Variants in TXNRD1 observed in about 807,000 individuals in gnomAD.
TXNRD1 encodes thioredoxin reductase 1, cytoplasmic.
A neutral mutation model predicts 80.3 loss-of-function variants in TXNRD1; 57 were observed. The ratio of observed to expected loss-of-function variants is 0.71; its 90% CI spans 0.57 to 0.89. TXNRD1 has a LOEUF of 0.89. TXNRD1 is among the 40% of genes least tolerant of loss of function. The pLI is 0.00. For missense variants in TXNRD1, 730 were observed against 803.0 expected, an observed-to-expected ratio of 0.91 and a Z score of 1.10; for synonymous variants, 291 against 285.2, an observed-to-expected ratio of 1.02 and a Z score of -0.20.
intron 3 of TXNRD1, among the ~76,000 whole-genome samples, chr12:104,262,797 T>TC (rs2033396533): frequency 6.6e-6 from 1 of 152,056 alleles, no homozygotes; most frequent in African/African-American, 2.4e-5. Context: ...TTCTTTTTTT[T>TC]CCCAGCAAAT....
intron 1 of TXNRD1, among the ~76,000 whole-genome samples, chr12:104,218,886 G>T (rs2032282434): frequency 6.6e-6 from 1 of 152,122 alleles, no homozygotes; most frequent in Non-Finnish European, 1.5e-5. Flanking sequence ...GGGATTACAG[G>T]TGTGAGCCAC....
chr12:104,265,908 AAAAAG>A, intron 3 of TXNRD1: 2 of 930,716 alleles, frequency 2.1e-6, no homozygotes, highest in Non-Finnish European at 3.2e-6. Context: ...AAAAAAAAAA[AAAAAG>A]TGATCTGGCT....
At chr12:104,314,114 G>T (rs2035232521) in intron 6 of TXNRD1, among the ~76,000 whole-genome samples, 3 of 152,160 alleles carry the variant, frequency 2.0e-5, no homozygotes, top group Admixed American at 2.0e-4. Flanking sequence ...CATGGATAAT[G>T]GGAGCTGGAG....
chr12:104,286,591 T>C (rs866420441), intron 3 of TXNRD1: 18,292 of 332,178 alleles, frequency 0.055, 17 homozygotes, highest in Non-Finnish European at 0.072. Context: ...TTGGAGTTTT[T>C]TTTTTTTTTT....
chr12:104,282,898 T>G lies in TXNRD1; in HGVS notation c.305-6033T>G, dbSNP rs566684270. 2.0e-5 allele frequency: 3 copies of G among 152,348 alleles called. No individual in the cohort carries two copies. In the East Asian group the frequency reaches 5.8e-4, roughly 29 times the overall value. 9.4% of individuals were successfully genotyped at this position (152,348 alleles called of 1,614,324 possible). A position where few individuals can be genotyped will look rare whatever the true frequency, so the allele number is the denominator to read the frequency against. On this transcript the variant is annotated intron_variant, in intron 3 of 16. Coordinates refer to ENST00000525566, the MANE Select transcript of TXNRD1 (RefSeq NM_001093771.3). ...TTTTTGTAGAGACAAGGTCTTGCTA[T>G]GTTGTACACACTAGTCTTGAACTGC...
Position 104,334,321 on chromosome 12 carries a change from A to G in TXNRD1, c.1735A>G (p.Thr579Ala), listed in dbSNP as rs375723971. The G allele has an allele frequency of 4.0e-6, 6 of 1,483,314 alleles. No homozygotes were observed. The highest frequency in any genetic ancestry group is 2.5e-5 in the East Asian group (1 of 39,464). 91.9% of individuals were successfully genotyped at this position (1,483,314 alleles called of 1,614,324 possible). A position where few individuals can be genotyped will look rare whatever the true frequency, so the allele number is the denominator to read the frequency against. ...NKCYAKIICNTKDNERVVGFH... is the reference protein window; with the variant it reads ...NKCYAKIICNAKDNERVVGFH... ...ATGTTATGCAAAAATAATCTGTAATACTAAAGACAATGTAAGTTTAATTCT... is the reference window on the plus strand; with the variant it reads ...ATGTTATGCAAAAATAATCTGTAATGCTAAAGACAATGTAAGTTTAATTCT... Residue 579 changes from threonine (T) to alanine (A), a missense_variant, in exon 15 of 17, where the codon ACT (threonine) becomes GCT (alanine). Physicochemically the swap from Thr to Ala is moderately conservative, Grantham distance 58 (BLOSUM62 0). Coordinates refer to ENST00000525566, the MANE Select transcript of TXNRD1 (RefSeq NM_001093771.3).
At chr12:104,302,384 CTT>C (rs74263333) in intron 4 of TXNRD1, among the ~76,000 whole-genome samples, 6 of 122,426 alleles carry the variant, frequency 4.9e-5, no homozygotes, top group East Asian at 4.9e-4. Flanking sequence ...TTGTGGGTGT[CTT>C]TTTTTTTTTA....
chr12:104,228,771 G>A (rs1393108811), intron 1 of TXNRD1, among the ~76,000 whole-genome samples: 1 of 152,056 alleles, frequency 6.6e-6, no homozygotes, highest in African/African-American at 2.4e-5. Context: ...CCAGGCTGGA[G>A]TGTAATGATT....
At chr12:104,334,468 C>T (rs755244459) in intron 15 of TXNRD1, 136 bp downstream of exon 15, 8 of 348,572 alleles carry the variant, frequency 2.3e-5, no homozygotes, top group East Asian at 1.0e-4. Flanking sequence ...CTGCAACCTC[C>T]GCCTCCCGGG....
chr12:104,332,110 T>C (rs2035973531), intron 14 of TXNRD1, among the ~76,000 whole-genome samples: 1 of 152,200 alleles, frequency 6.6e-6, no homozygotes, highest in Non-Finnish European at 1.5e-5. Flanking sequence ...TAAAAATTTT[T>C]CACTGCTCCT....
intron 1 of TXNRD1, among the ~76,000 whole-genome samples, chr12:104,236,893 C>T (rs531587906): frequency 6.6e-6 from 1 of 151,024 alleles, no homozygotes; most frequent in Non-Finnish European, 1.5e-5. Context: ...TGGAAAAAGG[C>T]TCTTTTCTTC....
At chr12:104,261,037 A>G (rs2033356572) in intron 3 of TXNRD1, among the ~76,000 whole-genome samples, 1 of 152,012 alleles carries the variant, frequency 6.6e-6, no homozygotes, top group South Asian at 2.1e-4. Flanking sequence ...TGGCTAAGGA[A>G]GTTTTAAGAG....
At chr12:104,218,551 A>G (rs12303143) in intron 1 of TXNRD1, among the ~76,000 whole-genome samples, 15,585 of 152,016 alleles carry the variant, frequency 0.1, 1,369 homozygotes, top group African/African-American at 0.24. Context: ...TGAAACTTAA[A>G]TTTAGGCATA....
At chr12:104,241,356 C>A (rs755943080) in intron 1 of TXNRD1, among the ~76,000 whole-genome samples, 1 of 151,600 alleles carries the variant, frequency 6.6e-6, no homozygotes, top group Non-Finnish European at 1.5e-5. Context: ...GTATTTCTCT[C>A]ACAGATGAGA....
intron 1 of TXNRD1, among the ~76,000 whole-genome samples, chr12:104,216,469 C>T (rs1000087019): frequency 2.0e-5 from 3 of 152,234 alleles, no homozygotes; most frequent in African/African-American, 7.2e-5. Context: ...TTCACTTGTT[C>T]TTCCAGAAGA....
intron 10 of TXNRD1, among the ~76,000 whole-genome samples, chr12:104,323,806 G>A (rs1320452066): frequency 8.6e-6 from 1 of 115,684 alleles, no homozygotes; most frequent in East Asian, 3.3e-4. Context: ...GGGCGGGGGG[G>A]CTGACCCCCC....
intron 4 of TXNRD1, chr12:104,304,219 G>A (rs1276428554): frequency 6.2e-7 from 1 of 1,614,046 alleles, no homozygotes; most frequent in Non-Finnish European, 8.5e-7. Flanking sequence ...TTCTTGTTAT[G>A]GCTTCTGATT....
chr12:104,319,612 G>GA, intron 9 of TXNRD1, 27 bp downstream of exon 9: 1 of 1,502,928 alleles, frequency 6.7e-7, no homozygotes, highest in Non-Finnish European at 9.1e-7. Context: ...GGGTGGAAAA[G>GA]AAAAACCCAT....
At chr12:104,305,931 A>C (rs1270887657) in intron 4 of TXNRD1, among the ~76,000 whole-genome samples, 1 of 151,806 alleles carries the variant, frequency 6.6e-6, no homozygotes, top group Non-Finnish European at 1.5e-5. Flanking sequence ...CTCGAGACAG[A>C]GTATCACTCT....
Sources: allele counts gnomAD v4.1 joint callset (sites outside exome capture counted in the v4.1 genomes callset), GRCh38; gene constraint gnomAD v4.1.1; transcripts MANE v1.5; gene names NCBI Gene and HGNC (gene_info 2026-07-23, HGNC 2026-07-21).